Variants in DPP8 observed in about 807,000 individuals in gnomAD.
The protein encoded by DPP8 is DPP VIII.
In DPP8, 31 loss-of-function variants were observed where a neutral mutation model predicts 107.5. That is an observed-to-expected ratio of 0.29 (90% CI 0.22 to 0.39). DPP8 has a LOEUF of 0.39. Ranked by LOEUF, DPP8 falls within the 10% of genes least tolerant of loss-of-function variation. The probability of loss-of-function intolerance (pLI) is 1.00; values close to 1 mark genes in which losing one functional copy is unlikely to be tolerated. For synonymous variants in DPP8, 381 were observed against 356.6 expected (o/e 1.07, Z -0.77); for missense variants, 842 against 1,076.1 (o/e 0.78, Z 3.04).
chr15:65,492,286 G>A (rs2068115020), intron 5 of DPP8, among the ~76,000 whole-genome samples: 1 of 152,004 alleles, frequency 6.6e-6, no homozygotes, highest in Non-Finnish European at 1.5e-5. Flanking sequence ...AGGATGCAGT[G>A]AGCCGAGATC....
At chr15:65,490,834 G>GT (rs2067957279) in intron 5 of DPP8, among the ~76,000 whole-genome samples, 1 of 152,034 alleles carries the variant, frequency 6.6e-6, no homozygotes, top group Non-Finnish European at 1.5e-5. Flanking sequence ...AAGGGGACTC[G>GT]TTTTAAAAGA....
chr15:65,476,769 T>C (rs1207159225), intron 11 of DPP8, among the ~76,000 whole-genome samples: 3 of 152,052 alleles, frequency 2.0e-5, no homozygotes, highest in Non-Finnish European at 4.4e-5. Flanking sequence ...TTATTCACAA[T>C]AGCCAAAAGG....
chr15:65,480,101 A>T (rs946003250), intron 10 of DPP8, 121 bp downstream of exon 10: 5 of 789,016 alleles, frequency 6.3e-6, no homozygotes, highest in Admixed American at 5.8e-5. Flanking sequence ...TGCTCATACT[A>T]AAGAAATAAC....
At chr15:65,485,205 C>G in intron 7 of DPP8, 45 bp from the exon 8 acceptor site, 3 of 1,436,722 alleles carry the variant, frequency 2.1e-6, no homozygotes, top group East Asian at 4.6e-5. Context: ...TCCAAAATTA[C>G]TCAAATTAAT....
intron 3 of DPP8, among the ~76,000 whole-genome samples, chr15:65,501,018 C>T (rs796147264): frequency 2.0e-5 from 3 of 151,974 alleles, no homozygotes; most frequent in Non-Finnish European, 2.9e-5. Context: ...GCTGGGACTA[C>T]AGGCGCCCGC....
Position 65,481,526 on chromosome 15 carries a change from A to G in DPP8, c.1107T>C (p.Pro369=), listed in dbSNP as rs2140761109. 2 of 1,578,872 alleles carry G rather than the reference A, an allele frequency of 1.3e-6. No individual in the cohort carries two copies. The highest frequency in any genetic ancestry group is 1.7e-6 in the Non-Finnish European group (2 of 1,162,514). ...TTTAACATACGCACTATTTTCCCTCAGGAGTCCATCCAGCTCTGGCAATAT... is the reference window on the plus strand; with the variant it reads ...TTTAACATACGCACTATTTTCCCTCGGGAGTCCATCCAGCTCTGGCAATAT... The part of the protein sequence containing the change: ...VEYIARAGWT[P]EGKYAWSILL... Residue 369 remains proline, a synonymous_variant, in exon 9 of 20, where the codon CCT becomes CCC. Transcript: ENST00000300141.
rs1275648054 is a variant in DPP8 at position 65,443,581 on chromosome 15, T to C, written c.*3303A>G. ...GTGACCTAATCCTCTTGTATGAGGC[T>C]TTGGAAAAGAACCAGGAATGGCATA... On this transcript the variant is annotated 3_prime_UTR_variant, in exon 20 of 20. Transcript: ENST00000300141. The C allele has an allele frequency of 6.6e-6, 1 of 152,130 alleles. No individual in the cohort carries two copies. Among genetic ancestry groups the C allele is most frequent in the Non-Finnish European group, 1.5e-5 (1 of 68,032 alleles). The allele number at this position is 152,130 out of a possible 1,614,324, so 9.4% of individuals were successfully genotyped here.
intron 19 of DPP8, 93 bp downstream of exon 19, chr15:65,450,906 T>G (rs544039724): frequency 2.5e-6 from 2 of 793,380 alleles, no homozygotes; most frequent in South Asian, 3.2e-5. Context: ...GTGGACACTC[T>G]AAAAATCTGG....
At chr15:65,491,984 G>A (rs62015044) in intron 5 of DPP8, among the ~76,000 whole-genome samples, 66,478 of 151,338 alleles carry the variant, frequency 0.44, 17,038 homozygotes, top group Non-Finnish European at 0.57. Flanking sequence ...CACCCACCTC[G>A]GCCTCCCAAA....
At chr15:65,502,021 G>A (rs903963347) in intron 3 of DPP8, among the ~76,000 whole-genome samples, 3 of 152,052 alleles carry the variant, frequency 2.0e-5, no homozygotes, top group Non-Finnish European at 4.4e-5. Context: ...TCCTGAGTAG[G>A]TGGGATTACA....
At chr15:65,455,685 C>T (rs2064355621) in intron 16 of DPP8, 1 of 1,202,884 alleles carries the variant, frequency 8.3e-7, no homozygotes, top group Non-Finnish European at 1.1e-6. Context: ...AAAGAACTGG[C>T]TGTGGGAGAA....
chr15:65,495,720 G>A (rs543124176), intron 5 of DPP8, among the ~76,000 whole-genome samples: 1 of 151,898 alleles, frequency 6.6e-6, no homozygotes, highest in Admixed American at 6.6e-5. Flanking sequence ...CCAACATGGT[G>A]AAACCCCGTC....
chr15:65,460,668 T>C (rs547271743), intron 15 of DPP8, among the ~76,000 whole-genome samples: 1 of 152,372 alleles, frequency 6.6e-6, no homozygotes, highest in South Asian at 2.1e-4. Context: ...CATCCTCCTT[T>C]TTAAGGCTGA....
intron 5 of DPP8, among the ~76,000 whole-genome samples, chr15:65,497,507 G>A (rs1294325439): frequency 6.6e-6 from 1 of 151,796 alleles, no homozygotes; most frequent in Non-Finnish European, 1.5e-5. Flanking sequence ...GCCTGCCTCA[G>A]CCTCCCAGAG....
rs558662315 is a variant in DPP8, at chr15:65,476,185, G to A, written c.1457-1897C>T. Among the ~76,000 whole-genome samples, 3 of 152,260 alleles carry A rather than the reference G, an allele frequency of 2.0e-5. No individual in the cohort carries two copies. The East Asian group carries it at 5.8e-4, about 29-fold the overall frequency. The stretch of plus-strand genomic sequence containing the variant: ...CTGTGGGGAGTGACAGCTGATGACA[G>A]GCCTAGGTGGTGAGGCTGTATTAGT... On this transcript the variant is annotated intron_variant, in intron 11 of 19. Coordinates refer to ENST00000300141, the MANE Select transcript of DPP8 (RefSeq NM_130434.5).
intron 9 of DPP8, among the ~76,000 whole-genome samples, chr15:65,480,698 C>G (rs1262832058): frequency 6.6e-6 from 1 of 152,074 alleles, no homozygotes; most frequent in Non-Finnish European, 1.5e-5. Flanking sequence ...TTTGGGAGGT[C>G]AAGGTGAGAG....
At chr15:65,508,110 C>T (rs970885736) in intron 2 of DPP8, among the ~76,000 whole-genome samples, 5 of 151,890 alleles carry the variant, frequency 3.3e-5, no homozygotes, top group African/African-American at 9.7e-5. Flanking sequence ...CGTGGTGGCA[C>T]GTGCCTGTAA....
rs759269292 is a variant in DPP8 at position 65,497,875 on chromosome 15, T to A, written c.704A>T (p.Tyr235Phe). The change falls in exon 5 of 20, where the codon TAT (tyrosine) becomes TTT (phenylalanine). Residue 235 changes from tyrosine to phenylalanine, a missense_variant. By Grantham distance (22) the Tyr-to-Phe change is conservative. Transcript: ENST00000300141. ...GAACTACGCCTTACCATTGTGCACATAAGTGAGTCTCCTTTCTTCTCTGGT... is the reference window on the plus strand; with the variant it reads ...GAACTACGCCTTACCATTGTGCACAAAAGTGAGTCTCCTTTCTTCTCTGGT... ...IVTREERRLT[Y>F]VHNELANMEE... is the part of the protein sequence containing the mutation. 1.3e-6 allele frequency: 2 copies of A among 1,553,784 alleles called. No homozygotes were observed. Among genetic ancestry groups the A allele is most frequent in the Non-Finnish European group, 1.8e-6 (2 of 1,142,264 alleles).
chr15:65,510,016 C>A (rs2070557067), intron 2 of DPP8, among the ~76,000 whole-genome samples: 1 of 150,960 alleles, frequency 6.6e-6, no homozygotes, highest in South Asian at 2.1e-4. Flanking sequence ...GTGAGACCGC[C>A]ATCTCAAAAA....
Sources: gnomAD v4.1 joint callset for allele counts (sites outside exome capture counted in the v4.1 genomes callset) on GRCh38, gnomAD v4.1.1 for gene constraint, MANE v1.5 for transcripts, NCBI Gene and HGNC (gene_info 2026-07-23, HGNC 2026-07-21) for gene names.